Variants in KIF26B observed in about 807,000 individuals in gnomAD.
KIF26B encodes kinesin-like protein KIF26B.
In KIF26B, 63 loss-of-function variants were observed where a neutral mutation model predicts 151.2. That is an observed-to-expected ratio of 0.42 (90% CI 0.34 to 0.51). The LOEUF (loss-of-function observed/expected upper bound fraction) is 0.51, where lower values mean the gene tolerates loss of function less well. Among genes scored for constraint, KIF26B ranks in the 20% least tolerant of loss-of-function variants. KIF26B has a pLI of 0.07. For synonymous variants in KIF26B, 1,357 were observed against 1,262.1 expected, an observed-to-expected ratio of 1.08 and a Z score of -1.59; for missense variants, 2,813 against 2,913.6, an observed-to-expected ratio of 0.97 and a Z score of 0.79.
At chr1:245,659,346 G>C (rs2044108180) in intron 10 of KIF26B, among the ~76,000 whole-genome samples, 1 of 152,186 alleles carries the variant, frequency 6.6e-6, no homozygotes, top group Non-Finnish European at 1.5e-5. Flanking sequence ...ACAGATATGA[G>C]TCTGACACCC....
intron 2 of KIF26B, among the ~76,000 whole-genome samples, chr1:245,326,116 C>T (rs754632192): frequency 1.3e-5 from 2 of 152,160 alleles, no homozygotes; most frequent in Non-Finnish European, 2.9e-5. Context: ...GATTTGAGTG[C>T]ATGTGACTCT....
intron 3 of KIF26B, among the ~76,000 whole-genome samples, chr1:245,381,254 G>T (rs1165469621): frequency 6.6e-6 from 1 of 152,200 alleles, no homozygotes; most frequent in Non-Finnish European, 1.5e-5. Context: ...ACACAGATCT[G>T]CATGTGAGTG....
At chr1:245,448,067 CT>C (rs1659287702) in intron 4 of KIF26B, among the ~76,000 whole-genome samples, 4 of 152,252 alleles carry the variant, frequency 2.6e-5, no homozygotes, top group Admixed American at 2.6e-4. Context: ...CCTGCATCAC[CT>C]TTTGCCATAG....
chr1:245,258,745 T>C (rs1184370717), intron 2 of KIF26B, among the ~76,000 whole-genome samples: 2 of 151,680 alleles, frequency 1.3e-5, no homozygotes, highest in African/African-American at 4.8e-5. Flanking sequence ...GAGCACAGCA[T>C]GGTGGGGGGG....
intron 2 of KIF26B, among the ~76,000 whole-genome samples, chr1:245,221,718 A>G (rs1175355534): frequency 6.6e-6 from 1 of 152,090 alleles, no homozygotes; most frequent in Non-Finnish European, 1.5e-5. Context: ...TATTCTTCCT[A>G]CTTTTTATAC....
chr1:245,607,768 A>G, intron 7 of KIF26B, 24 bp downstream of exon 7: 3 of 1,585,954 alleles, frequency 1.9e-6, no homozygotes, highest in Non-Finnish European at 2.6e-6. Flanking sequence ...TCACTTTCTC[A>G]TGCGGCTCGT....
At chr1:245,386,261 A>C (rs1213316861) in intron 3 of KIF26B, among the ~76,000 whole-genome samples, 1 of 152,058 alleles carries the variant, frequency 6.6e-6, no homozygotes, top group Non-Finnish European at 1.5e-5. Context: ...AAGAAAAAGA[A>C]AAGTATCAGT....
At chr1:245,565,962 G>T (rs1286143776) in intron 5 of KIF26B, among the ~76,000 whole-genome samples, 1 of 152,192 alleles carries the variant, frequency 6.6e-6, no homozygotes, top group Non-Finnish European at 1.5e-5. Context: ...GCAAGAGTGG[G>T]AGCAATAGAG....
rs147218767 is a variant in KIF26B, at chr1:245,433,890, G to A, written c.1166+14145G>A. Among the ~76,000 whole-genome samples the A allele has an allele frequency of 2.7e-3, 411 of 152,120 alleles. 2 individuals are homozygous for A. Among genetic ancestry groups the A allele is most frequent in the African/African-American group, 9.1e-3 (376 of 41,506 alleles). On this transcript the variant is annotated intron_variant, in intron 4 of 14. Coordinates refer to ENST00000407071, the MANE Select transcript of KIF26B (RefSeq NM_018012.4). Reference sequence around the variant, plus strand: ...GTTTGTCCTTTTAAACCCCAGCAACGGAAAGAAAGGGCCTTGGCAGTGACA... The same window carrying A: ...GTTTGTCCTTTTAAACCCCAGCAACAGAAAGAAAGGGCCTTGGCAGTGACA...
chr1:245,197,692 CAGA>C (rs1302031740), intron 2 of KIF26B, among the ~76,000 whole-genome samples: 2 of 151,980 alleles, frequency 1.3e-5, no homozygotes, highest in East Asian at 1.9e-4. Context: ...GAAAATAGGA[CAGA>C]AGAAGATAGA....
rs116817798 is a variant in KIF26B at position 245,369,351 on chromosome 1, G to A, written c.999+1984G>A. Among the ~76,000 whole-genome samples, 508 of 152,310 alleles carry A rather than the reference G, an allele frequency of 3.3e-3. 1 individual carries two copies. The highest frequency in any genetic ancestry group is 5.7e-3 in the Non-Finnish European group (389 of 68,040). ...TACGCCGGACAAGATACAGGGAAAC[G>A]TGGAGTGAGTTAAATGTGGTTGATA... On this transcript the variant is annotated intron_variant, in intron 3 of 14. Coordinates refer to ENST00000407071, the MANE Select transcript of KIF26B (RefSeq NM_018012.4).
chr1:245,678,609 A>C (rs770083550), intron 10 of KIF26B, among the ~76,000 whole-genome samples: 1 of 152,150 alleles, frequency 6.6e-6, no homozygotes, highest in Non-Finnish European at 1.5e-5. Flanking sequence ...CACGCCTGTA[A>C]TCCCAGCACT....
At chr1:245,180,727 G>T (rs1025600709) in intron 2 of KIF26B, among the ~76,000 whole-genome samples, 1 of 151,870 alleles carries the variant, frequency 6.6e-6, no homozygotes, top group African/African-American at 2.4e-5. Flanking sequence ...GGTGGTGGGG[G>T]TAGGGGTGGG....
chr1:245,331,066 C>G (rs1036305515), intron 2 of KIF26B, among the ~76,000 whole-genome samples: 1 of 151,922 alleles, frequency 6.6e-6, no homozygotes, highest in Non-Finnish European at 1.5e-5. Context: ...CAGGAGGGAG[C>G]CTCAGAGCAG....
intron 5 of KIF26B, among the ~76,000 whole-genome samples, chr1:245,596,848 T>C (rs1422832007): frequency 6.6e-6 from 1 of 152,240 alleles, no homozygotes; most frequent in Non-Finnish European, 1.5e-5. Flanking sequence ...TTAGGATCAT[T>C]AGCTCTGCTT....
intron 3 of KIF26B, among the ~76,000 whole-genome samples, chr1:245,412,443 G>A (rs1674310095): frequency 6.6e-6 from 1 of 152,206 alleles, no homozygotes. Flanking sequence ...GTTCCCTGCT[G>A]TCTTGGCAGA....
chr1:245,354,452 C>G (rs1672638290), intron 2 of KIF26B, among the ~76,000 whole-genome samples: 1 of 152,220 alleles, frequency 6.6e-6, no homozygotes, highest in South Asian at 2.1e-4. Context: ...GCCAGGACCT[C>G]AGGGCCGCAT....
intron 2 of KIF26B, among the ~76,000 whole-genome samples, chr1:245,226,309 A>G (rs551443101): frequency 6.6e-6 from 1 of 152,340 alleles, no homozygotes; most frequent in South Asian, 2.1e-4. Context: ...CAGGTTGCAG[A>G]GAGCCAGCTG....
At chr1:245,580,953 T>C (rs2043169752) in intron 5 of KIF26B, among the ~76,000 whole-genome samples, 1 of 152,244 alleles carries the variant, frequency 6.6e-6, no homozygotes. Flanking sequence ...TTTGTTCTGC[T>C]ATTAGAATGA....
Sources: gnomAD v4.1 joint callset for allele counts (sites outside exome capture counted in the v4.1 genomes callset) on GRCh38, gnomAD v4.1.1 for gene constraint, MANE v1.5 for transcripts, NCBI Gene and HGNC (gene_info 2026-07-23, HGNC 2026-07-21) for gene names.